The following RNF2 variants were observed in gnomAD, a reference collection of about 807,000 sequenced individuals.
The protein encoded by RNF2 is ring finger protein 2.
RNF2 carries 6 observed loss-of-function variants against 37.2 expected under a neutral mutation model. The ratio of observed to expected loss-of-function variants is 0.16; its 90% CI spans 0.09 to 0.32. The LOEUF (loss-of-function observed/expected upper bound fraction) is 0.32. RNF2 is among the 10% of genes least tolerant of loss of function. The probability of loss-of-function intolerance (pLI) is 1.00; values close to 1 mark genes in which losing one functional copy is unlikely to be tolerated. For missense variants in RNF2, 251 were observed against 404.0 expected (o/e 0.62, Z 3.25); for synonymous variants, 133 against 132.7 (o/e 1.00, Z -0.02).
intron 1 of RNF2, among the ~76,000 whole-genome samples, chr1:185,047,084 A>T (rs1261705224): frequency 6.6e-6 from 1 of 152,230 alleles, no homozygotes; most frequent in Non-Finnish European, 1.5e-5. Flanking sequence ...GCAAAATAAT[A>T]GGTAGTTATA....
chr1:185,059,228 T>TAA lies in RNF2; in HGVS notation c.-3+13590_-3+13591dup, dbSNP rs35280730. On this transcript the variant is annotated intron_variant, in intron 1 of 6. Transcript: ENST00000367510. ...AAGTCTCCTGAATCCCAGTCTGGAT[T>TAA]AAAAAAAAAAAACCTCCGTAATAGT... Among the ~76,000 whole-genome samples the TAA allele has an allele frequency of 5.4e-3, 796 of 147,210 alleles. 6 individuals carry two copies. Among genetic ancestry groups the TAA allele is most frequent in the African/African-American group, 0.015 (608 of 40,366 alleles).
At chr1:185,057,036 C>T (rs542719293) in intron 1 of RNF2, among the ~76,000 whole-genome samples, 6 of 152,084 alleles carry the variant, frequency 3.9e-5, no homozygotes, top group East Asian at 1.9e-4. Context: ...GGGCTGGGTG[C>T]GGTGGCTCAT....
intron 1 of RNF2, among the ~76,000 whole-genome samples, chr1:185,069,525 T>C (rs1339305571): frequency 6.6e-6 from 1 of 151,690 alleles, no homozygotes; most frequent in East Asian, 1.9e-4. Context: ...GGCTGAGCTA[T>C]GAGTTCACAG....
chr1:185,064,741 T>C (rs1480499802), intron 1 of RNF2, among the ~76,000 whole-genome samples: 2 of 152,228 alleles, frequency 1.3e-5, no homozygotes, highest in Non-Finnish European at 2.9e-5. Flanking sequence ...TTTATTTATG[T>C]CTGTAATACC....
At chr1:185,076,057 A>G (rs561505056) in intron 1 of RNF2, among the ~76,000 whole-genome samples, 1 of 151,860 alleles carries the variant, frequency 6.6e-6, no homozygotes, top group Non-Finnish European at 1.5e-5. Flanking sequence ...CTCAGTATAT[A>G]TTATCGTTAT....
chr1:185,063,330 G>A (rs546871492), intron 1 of RNF2, among the ~76,000 whole-genome samples: 21 of 152,330 alleles, frequency 1.4e-4, no homozygotes, highest in African/African-American at 4.8e-4. Flanking sequence ...CTGATTCAGT[G>A]AGTCTGAAAT....
At chr1:185,071,113 G>A (rs1006402283) in intron 1 of RNF2, among the ~76,000 whole-genome samples, 1 of 152,114 alleles carries the variant, frequency 6.6e-6, no homozygotes, top group East Asian at 1.9e-4. Context: ...GAGGCAAATG[G>A]TTACATTCTT....
intron 4 of RNF2, among the ~76,000 whole-genome samples, chr1:185,093,833 A>AT (rs1275714260): frequency 1.3e-5 from 2 of 152,186 alleles, no homozygotes; most frequent in African/African-American, 4.8e-5. Flanking sequence ...CAACTGTGAA[A>AT]TATGGCGTGT....
At chr1:185,049,786 G>A (rs562663819) in intron 1 of RNF2, among the ~76,000 whole-genome samples, 2 of 152,266 alleles carry the variant, frequency 1.3e-5, no homozygotes, top group African/African-American at 2.4e-5. Flanking sequence ...TTGTGTGCTT[G>A]CTGCTAGTAC....
At chr1:185,076,281 T>TGTTTTTTTG (rs1651156880) in intron 1 of RNF2, among the ~76,000 whole-genome samples, 5 of 46,560 alleles carry the variant, frequency 1.1e-4, no homozygotes, top group African/African-American at 3.0e-4. Context: ...TTTTTTTTTT[T>TGTTTTTTTG]TTTTTTTTTT....
chr1:185,045,607 C>T lies in RNF2; in HGVS notation c.-45C>T, dbSNP rs1397550651. 1 of 152,294 alleles carries T rather than the reference C, an allele frequency of 6.6e-6. No homozygotes were observed. The highest frequency in any genetic ancestry group is 1.5e-5 in the Non-Finnish European group (1 of 68,126). 9.4% of individuals were successfully genotyped at this position (152,294 alleles called of 1,614,324 possible). On this transcript the variant is annotated 5_prime_UTR_variant, in exon 1 of 7. Transcript: ENST00000367510. ...CGCGGCAGCTGATACCAGAGTCTTG[C>T]TCCGGCCGCGGCCAGCGGAGCCCTG... is the stretch of plus-strand genomic sequence containing the variant.
At chr1:185,053,442 C>T (rs1273215203) in intron 1 of RNF2, among the ~76,000 whole-genome samples, 1 of 151,926 alleles carries the variant, frequency 6.6e-6, no homozygotes, top group Non-Finnish European at 1.5e-5. Flanking sequence ...TCAAGTGATC[C>T]TCCCGCCTCA....
intron 2 of RNF2, 140 bp downstream of exon 2, chr1:185,087,780 A>G (rs1221822569): frequency 6.0e-6 from 4 of 661,168 alleles, no homozygotes; most frequent in Admixed American, 2.7e-5. Context: ...GTTGGCTAAC[A>G]CTTTATTCAT....
intron 1 of RNF2, among the ~76,000 whole-genome samples, chr1:185,081,829 G>A (rs61146985): frequency 0.015 from 2,241 of 152,240 alleles, 86 homozygotes; most frequent in East Asian, 0.14. Context: ...GGTGCATCTC[G>A]ATTTGCTGAG....
intron 1 of RNF2, among the ~76,000 whole-genome samples, chr1:185,067,745 C>T (rs1387603076): frequency 3.1e-5 from 4 of 130,074 alleles, no homozygotes; most frequent in Admixed American, 2.6e-4. Context: ...GAGTCTTGCT[C>T]TGTTGCCCAG....
intron 1 of RNF2, among the ~76,000 whole-genome samples, chr1:185,075,190 C>T (rs998386296): frequency 1.3e-5 from 2 of 152,024 alleles, no homozygotes; most frequent in African/African-American, 4.8e-5. Context: ...GACGGGTTTT[C>T]GCCGTGTTGG....
At chr1:185,081,138 C>T (rs1025806653) in intron 1 of RNF2, among the ~76,000 whole-genome samples, 1 of 152,180 alleles carries the variant, frequency 6.6e-6, no homozygotes, top group Non-Finnish European at 1.5e-5. Flanking sequence ...GGCTCAAACA[C>T]ATCTTTATTA....
chr1:185,047,238 C>T (rs929238029), intron 1 of RNF2, among the ~76,000 whole-genome samples: 3 of 152,078 alleles, frequency 2.0e-5, no homozygotes, highest in Non-Finnish European at 4.4e-5. Context: ...AAAAATTGCC[C>T]GAGTCAGGCC....
intron 1 of RNF2, among the ~76,000 whole-genome samples, chr1:185,057,484 G>C (rs558551040): frequency 6.6e-6 from 1 of 151,998 alleles, no homozygotes; most frequent in African/African-American, 2.4e-5. Context: ...TGATAAGCAC[G>C]TCCATTATTC....
Sources: allele counts gnomAD v4.1 joint callset (sites outside exome capture counted in the v4.1 genomes callset), GRCh38; gene constraint gnomAD v4.1.1; transcripts MANE v1.5; gene names NCBI Gene and HGNC (gene_info 2026-07-23, HGNC 2026-07-21).